Variants in RAB6A observed in about 807,000 individuals in gnomAD.
The protein encoded by RAB6A is RAB6A, member RAS oncogene family, also known as ras-related protein Rab-6A.
A neutral mutation model predicts 32.3 loss-of-function variants in RAB6A; 8 were observed. The observed-to-expected ratio is 0.25, with a 90% CI of 0.15 to 0.45. The LOEUF (loss-of-function observed/expected upper bound fraction) is 0.45, where lower values mean the gene tolerates loss of function less well. Among genes scored for constraint, RAB6A ranks in the 20% least tolerant of loss-of-function variants. RAB6A has a pLI of 1.00. For missense variants in RAB6A, 104 were observed against 249.4 expected (o/e 0.42, Z 3.93); for synonymous variants, 73 against 82.1 (o/e 0.89, Z 0.60).
intron 2 of RAB6A, among the ~76,000 whole-genome samples, chr11:73,724,924 C>A (rs1946193997): frequency 6.6e-6 from 1 of 152,138 alleles, no homozygotes; most frequent in African/African-American, 2.4e-5. Context: ...TGCTATATAC[C>A]CAGGATGCAG....
chr11:73,702,141 A>G (rs950355142), intron 6 of RAB6A, among the ~76,000 whole-genome samples: 17 of 152,182 alleles, frequency 1.1e-4, no homozygotes, highest in African/African-American at 3.9e-4. Context: ...AGAACTGGAC[A>G]AAAAACTAGT....
intron 1 of RAB6A, among the ~76,000 whole-genome samples, chr11:73,751,733 T>A (rs1382692928): frequency 6.6e-6 from 1 of 152,192 alleles, no homozygotes; most frequent in East Asian, 1.9e-4. Context: ...TAAATGCATT[T>A]ACTGTATGTT....
At chr11:73,689,873 G>A (rs1466971806) in intron 6 of RAB6A, among the ~76,000 whole-genome samples, 1 of 135,092 alleles carries the variant, frequency 7.4e-6, no homozygotes, top group Admixed American at 8.4e-5. Flanking sequence ...CCCAGTCTGG[G>A]CAACACAGTG....
At chr11:73,713,088 G>T (rs1945990964) in intron 5 of RAB6A, among the ~76,000 whole-genome samples, 1 of 151,988 alleles carries the variant, frequency 6.6e-6, no homozygotes, top group Non-Finnish European at 1.5e-5. Context: ...AGGTGAGAGG[G>T]GTATTCTGTC....
chr11:73,713,485 G>A (rs183519626), intron 5 of RAB6A, among the ~76,000 whole-genome samples: 196 of 151,732 alleles, frequency 1.3e-3, no homozygotes, highest in African/African-American at 4.6e-3. Context: ...GGAGAATGGC[G>A]TGAACCCGGG....
chr11:73,683,500 TG>T (rs1945392323), intron 6 of RAB6A, among the ~76,000 whole-genome samples: 2 of 151,808 alleles, frequency 1.3e-5, no homozygotes, highest in Non-Finnish European at 2.9e-5. Context: ...TCAAGTGATC[TG>T]CCTACCTCAG....
chr11:73,714,181 GA>G (rs1352601986), intron 5 of RAB6A, among the ~76,000 whole-genome samples: 3 of 70,472 alleles, frequency 4.3e-5, no homozygotes, highest in African/African-American at 1.7e-4. Flanking sequence ...AACAAGAGCA[GA>G]ACTCCATCTC....
chr11:73,731,188 T>G (rs868640657), intron 1 of RAB6A, among the ~76,000 whole-genome samples: 1 of 151,736 alleles, frequency 6.6e-6, no homozygotes. Flanking sequence ...TCCCTGGGAG[T>G]AGAAAGGCAA....
chr11:73,740,754 G>A (rs914548688), intron 1 of RAB6A, among the ~76,000 whole-genome samples: 6 of 152,042 alleles, frequency 3.9e-5, no homozygotes, highest in African/African-American at 1.4e-4. Context: ...CAGGCGTGAT[G>A]GCATGCGCCT....
chr11:73,717,172 CA>C (rs1565362035), intron 4 of RAB6A, among the ~76,000 whole-genome samples: 2 of 152,044 alleles, frequency 1.3e-5, no homozygotes, highest in Admixed American at 6.6e-5. Flanking sequence ...GCACCTATCT[CA>C]AAAAAAGTCC....
intron 1 of RAB6A, among the ~76,000 whole-genome samples, chr11:73,748,908 T>A (rs2135008492): frequency 6.6e-6 from 1 of 152,090 alleles, no homozygotes; most frequent in African/African-American, 2.4e-5. Context: ...GCAGATCAAT[T>A]GAGGTAAGGA....
chr11:73,709,453 T>TATTATTATTATG (rs1945905356), intron 5 of RAB6A, among the ~76,000 whole-genome samples: 1 of 135,190 alleles, frequency 7.4e-6, no homozygotes, highest in African/African-American at 2.6e-5. Flanking sequence ...TTATTATTAT[T>TATTATTATTATG]ATTATTATTA....
chr11:73,743,224 G>C (rs1213505079), intron 1 of RAB6A, among the ~76,000 whole-genome samples: 1 of 149,844 alleles, frequency 6.7e-6, no homozygotes, highest in Non-Finnish European at 1.5e-5. Flanking sequence ...AGAACTACTT[G>C]AACCTGGGAG....
At chr11:73,690,134 A>G (rs1258523945) in intron 6 of RAB6A, among the ~76,000 whole-genome samples, 1 of 152,218 alleles carries the variant, frequency 6.6e-6, no homozygotes, top group East Asian at 1.9e-4. Flanking sequence ...AAACTCTACT[A>G]TTAACTACCC....
chr11:73,677,725 G>C lies in RAB6A; in HGVS notation c.*173C>G. On this transcript the variant is annotated 3_prime_UTR_variant, in exon 8 of 8. Coordinates refer to ENST00000336083, the MANE Select transcript of RAB6A (RefSeq NM_198896.2). The stretch of plus-strand genomic sequence containing the variant: ...ATAAATAATGAAGACACTGACTTTT[G>C]TTGTGCTTGTGAAGCTAATAGATCA... 1 of 1,437,898 alleles carries C rather than the reference G, an allele frequency of 7.0e-7. No homozygotes were observed. The highest frequency in any genetic ancestry group is 9.3e-7 in the Non-Finnish European group (1 of 1,073,272). 89.1% of individuals were successfully genotyped at this position (1,437,898 alleles called of 1,614,324 possible).
chr11:73,731,745 CATAT>C (rs1325313478), intron 1 of RAB6A, among the ~76,000 whole-genome samples: 1 of 90,772 alleles, frequency 1.1e-5, no homozygotes, highest in African/African-American at 4.6e-5. Flanking sequence ...CACACACACA[CATAT>C]TTTCTTTTTT....
chr11:73,741,198 G>A (rs1351299103), intron 1 of RAB6A, among the ~76,000 whole-genome samples: 3 of 151,368 alleles, frequency 2.0e-5, no homozygotes, highest in Non-Finnish European at 2.9e-5. Context: ...ATGCGGTGGC[G>A]CAATCTCGGC....
At chr11:73,681,714 CAGA>C (rs1446057125) in intron 6 of RAB6A, among the ~76,000 whole-genome samples, 2 of 152,172 alleles carry the variant, frequency 1.3e-5, no homozygotes, top group African/African-American at 4.8e-5. Context: ...GAGGCTGAGG[CAGA>C]AGAATCGCTT....
At chr11:73,697,829 G>C (rs1346735898) in intron 6 of RAB6A, among the ~76,000 whole-genome samples, 2 of 152,182 alleles carry the variant, frequency 1.3e-5, no homozygotes, top group Admixed American at 1.3e-4. Flanking sequence ...ACAAATATCT[G>C]AGTTAATTAA....
Sources: gnomAD v4.1 joint callset for allele counts (sites outside exome capture counted in the v4.1 genomes callset) on GRCh38, gnomAD v4.1.1 for gene constraint, MANE v1.5 for transcripts, NCBI Gene and HGNC (gene_info 2026-07-23, HGNC 2026-07-21) for gene names.